CA10: variants seen among roughly 807,000 people sequenced by gnomAD.
CA10 encodes carbonic anhydrase-related protein 10.
CA10 carries 14 observed loss-of-function variants against 44.2 expected under a neutral mutation model. That is an observed-to-expected ratio of 0.32 (90% CI 0.21 to 0.50). CA10 has a LOEUF of 0.50. Ranked by LOEUF, CA10 falls within the 20% of genes least tolerant of loss-of-function variation. The pLI, the probability that CA10 is intolerant of heterozygous loss-of-function variation, is 0.99. For synonymous variants in CA10, 159 were observed against 141.6 expected (o/e 1.12, Z -0.87); for missense variants, 350 against 409.7 (o/e 0.85, Z 1.26).
At chr17:51,643,007 G>T (rs147099610) in intron 6 of CA10, among the ~76,000 whole-genome samples, 107 of 152,242 alleles carry the variant, frequency 7.0e-4, no homozygotes, top group African/African-American at 2.3e-3. Flanking sequence ...ATGAATGGGG[G>T]CATGCGACAC....
intron 2 of CA10, among the ~76,000 whole-genome samples, chr17:51,998,138 T>C (rs1391182843): frequency 6.6e-6 from 1 of 152,090 alleles, no homozygotes; most frequent in Admixed American, 6.6e-5. Flanking sequence ...GTTGTTCCAT[T>C]AGGTGGGGAC....
intron 3 of CA10, among the ~76,000 whole-genome samples, chr17:51,830,734 C>T (rs1468771910): frequency 1.3e-5 from 2 of 152,118 alleles, no homozygotes; most frequent in Admixed American, 1.3e-4. Context: ...AAACAGAATA[C>T]TTGACTGACA....
intron 2 of CA10, among the ~76,000 whole-genome samples, chr17:52,028,971 C>A (rs143512031): frequency 3.3e-5 from 5 of 152,300 alleles, no homozygotes; most frequent in Admixed American, 1.3e-4. Context: ...CATTACATTC[C>A]CTTTCCAACA....
chr17:52,146,155 T>G (rs1989577657), intron 1 of CA10, among the ~76,000 whole-genome samples: 1 of 152,180 alleles, frequency 6.6e-6, no homozygotes, highest in African/African-American at 2.4e-5. Context: ...TGCTTTAAAA[T>G]AAGATGTTAA....
At chr17:52,159,983 G>C (rs1989906722), upstream of CA10, 1 of 152,172 alleles carries the variant, frequency 6.6e-6, no homozygotes, top group South Asian at 2.1e-4. Flanking sequence ...GAAGATCCAG[G>C]ATTTCTCGGC....
At chr17:51,816,564 T>C (rs1356095344) in intron 3 of CA10, among the ~76,000 whole-genome samples, 3 of 152,220 alleles carry the variant, frequency 2.0e-5, no homozygotes, top group Non-Finnish European at 4.4e-5. Flanking sequence ...TCATTATGAA[T>C]GTAAGCACCA....
At chr17:52,042,928 C>T (rs888699193) in intron 2 of CA10, among the ~76,000 whole-genome samples, 1 of 151,966 alleles carries the variant, frequency 6.6e-6, no homozygotes, top group Admixed American at 6.6e-5. Flanking sequence ...TATTTCTGGT[C>T]TCTTAGTCTG....
chr17:51,840,326 C>T (rs918419391), intron 3 of CA10, among the ~76,000 whole-genome samples: 1 of 152,122 alleles, frequency 6.6e-6, no homozygotes, highest in African/African-American at 2.4e-5. Flanking sequence ...CCTTTCTGGG[C>T]AAACTGGATA....
intron 3 of CA10, among the ~76,000 whole-genome samples, chr17:51,881,717 A>G (rs569896521): frequency 6.6e-6 from 1 of 152,178 alleles, no homozygotes; most frequent in African/African-American, 2.4e-5. Context: ...ATGAGAGGGC[A>G]TTTTTCCCAT....
intron 3 of CA10, among the ~76,000 whole-genome samples, chr17:51,879,238 G>T (rs1168541672): frequency 6.6e-6 from 1 of 152,042 alleles, no homozygotes; most frequent in African/African-American, 2.4e-5. Flanking sequence ...TGAACATGGT[G>T]TTACAGTGAA....
At chr17:51,949,269 C>T (rs1983396557) in intron 2 of CA10, among the ~76,000 whole-genome samples, 1 of 152,130 alleles carries the variant, frequency 6.6e-6, no homozygotes, top group Non-Finnish European at 1.5e-5. Context: ...GGCACACATG[C>T]TACTGCATCT....
intron 3 of CA10, among the ~76,000 whole-genome samples, chr17:51,897,879 T>C (rs73348436): frequency 0.016 from 2,505 of 152,234 alleles, 49 homozygotes; most frequent in African/African-American, 0.057. Context: ...ATGTTATTGA[T>C]GTATAGAAAT....
At chr17:51,978,493 T>C (rs1200953911) in intron 2 of CA10, among the ~76,000 whole-genome samples, 2 of 151,872 alleles carry the variant, frequency 1.3e-5, no homozygotes, top group African/African-American at 4.8e-5. Context: ...TGCAACTAGA[T>C]ATTCATATAG....
chr17:51,894,903 T>C (rs1363160524), intron 3 of CA10, among the ~76,000 whole-genome samples: 2 of 151,916 alleles, frequency 1.3e-5, no homozygotes, highest in East Asian at 1.9e-4. Context: ...AAAGACTGAC[T>C]TGAAGCTGGA....
chr17:51,772,704 A>G (rs1212675507), intron 3 of CA10, among the ~76,000 whole-genome samples: 1 of 152,032 alleles, frequency 6.6e-6, no homozygotes. Flanking sequence ...TAACACAGTT[A>G]TGTAACTTAA....
chr17:52,084,346 C>T lies in CA10; in HGVS notation c.62-11953G>A, dbSNP rs189986634. Reference sequence around the variant, plus strand: ...CATAGCTCAACATAGTTTTGTCCTTCATTCTGATTCTGATCCACACAGCAT... The same window carrying T: ...CATAGCTCAACATAGTTTTGTCCTTTATTCTGATTCTGATCCACACAGCAT... On this transcript the variant is annotated intron_variant, in intron 1 of 8. Coordinates refer to ENST00000451037, the MANE Select transcript of CA10 (RefSeq NM_020178.5). Among the ~76,000 whole-genome samples the T allele has an allele frequency of 3.3e-5, 5 of 152,286 alleles. No individual in the cohort carries two copies. The East Asian group carries it at 9.7e-4, about 29-fold the overall frequency.
intron 4 of CA10, among the ~76,000 whole-genome samples, chr17:51,701,241 C>T (rs887375438): frequency 4.6e-5 from 7 of 152,186 alleles, no homozygotes; most frequent in Middle Eastern, 3.4e-3. Context: ...ACCATCACTC[C>T]GGCCTCTGCC....
At chr17:51,683,778 T>C (rs1914921223) in intron 4 of CA10, among the ~76,000 whole-genome samples, 1 of 152,148 alleles carries the variant, frequency 6.6e-6, no homozygotes, top group African/African-American at 2.4e-5. Flanking sequence ...ATGTGTTCTC[T>C]GAAACTCATG....
intron 4 of CA10, among the ~76,000 whole-genome samples, chr17:51,686,956 A>C (rs1915030594): frequency 6.6e-6 from 1 of 152,170 alleles, no homozygotes; most frequent in African/African-American, 2.4e-5. Context: ...GCAAGTTTTA[A>C]TTAATCTGCT....
Sources: gnomAD v4.1 joint callset for allele counts (sites outside exome capture counted in the v4.1 genomes callset) on GRCh38, gnomAD v4.1.1 for gene constraint, MANE v1.5 for transcripts, NCBI Gene and HGNC (gene_info 2026-07-23, HGNC 2026-07-21) for gene names.